Variants in TENM3 observed in about 807,000 individuals in gnomAD.
The protein encoded by TENM3 is teneurin transmembrane protein 3.
A neutral mutation model predicts 255.1 loss-of-function variants in TENM3; 63 were observed. That is an observed-to-expected ratio of 0.25 (90% confidence interval 0.20 to 0.30). TENM3 has a LOEUF of 0.30. Ranked by LOEUF, TENM3 falls within the 10% of genes least tolerant of loss-of-function variation. TENM3 has a pLI of 1.00. For missense variants in TENM3, 2,929 were observed against 3,461.1 expected (o/e 0.85, Z 3.86); for synonymous variants, 1,306 against 1,322.3 (o/e 0.99, Z 0.27).
intron 5 of TENM3, among the ~76,000 whole-genome samples, chr4:182,646,578 C>T (rs1161137590): frequency 6.6e-6 from 1 of 151,992 alleles, no homozygotes; most frequent in Non-Finnish European, 1.5e-5. Context: ...CCCGTCTCTA[C>T]TAAAAATAGA....
intron 1 of TENM3, among the ~76,000 whole-genome samples, chr4:182,317,842 A>T (rs889358718): frequency 6.6e-6 from 1 of 152,192 alleles, no homozygotes; most frequent in Non-Finnish European, 1.5e-5. Flanking sequence ...CAATTATTTT[A>T]GCTATTCAAT....
chr4:181,965,147 ATAGG>A, the TENM3 span, among the ~76,000 whole-genome samples: 5 of 152,244 alleles, frequency 3.3e-5, no homozygotes, highest in Non-Finnish European at 4.4e-5. Context: ...ATTCATTTAC[ATAGG>A]TAAACAGGTC....
At chr4:182,117,801 T>A in the TENM3 span, among the ~76,000 whole-genome samples, 1 of 151,978 alleles carries the variant, frequency 6.6e-6, no homozygotes, top group African/African-American at 2.4e-5. Context: ...TGGAATCAGT[T>A]TGTCAACTCT....
At chr4:181,522,976 G>A in the TENM3 span, 3 of 675,344 alleles carry the variant, frequency 4.4e-6, no homozygotes, top group East Asian at 6.1e-5. Flanking sequence ...AAGGAGATGG[G>A]TAGGATGCAT....
At chr4:181,608,444 C>T in the TENM3 span, among the ~76,000 whole-genome samples, 1 of 152,112 alleles carries the variant, frequency 6.6e-6, no homozygotes, top group Non-Finnish European at 1.5e-5. Context: ...AGAAAGGTCT[C>T]TGGGGAAAAG....
chr4:181,673,319 T>C, the TENM3 span, among the ~76,000 whole-genome samples: 2 of 152,228 alleles, frequency 1.3e-5, no homozygotes, highest in African/African-American at 4.8e-5. Flanking sequence ...TGGACTTTTT[T>C]CTGTTTAGCT....
chr4:181,907,374 T>C, the TENM3 span, among the ~76,000 whole-genome samples: 4 of 152,086 alleles, frequency 2.6e-5, no homozygotes, highest in African/African-American at 9.7e-5. Context: ...AGCAGCCAAA[T>C]CTTCCACTAC....
chr4:181,769,559 C>T, the TENM3 span, among the ~76,000 whole-genome samples: 10 of 152,126 alleles, frequency 6.6e-5, no homozygotes. Context: ...AAAACATTTT[C>T]TGATTTTAAA....
intron 1 of TENM3, among the ~76,000 whole-genome samples, chr4:182,320,336 G>A (rs948457860): frequency 6.6e-6 from 1 of 152,288 alleles, no homozygotes; most frequent in Admixed American, 6.5e-5. Flanking sequence ...GTGAGGTCAA[G>A]GGCCACACCT....
chr4:181,524,565 A>G, the TENM3 span, among the ~76,000 whole-genome samples: 3 of 152,306 alleles, frequency 2.0e-5, no homozygotes, highest in African/African-American at 4.8e-5. Flanking sequence ...TCTTATCTGT[A>G]TCTCTCAGTT....
chr4:182,262,838 C>G (rs1355949453), intron 1 of TENM3, among the ~76,000 whole-genome samples: 7 of 151,590 alleles, frequency 4.6e-5, no homozygotes, highest in South Asian at 2.1e-4. Context: ...TTCAGCCTCC[C>G]GAGCAGCTGG....
intron 2 of TENM3, among the ~76,000 whole-genome samples, chr4:182,345,519 G>A (rs1764743366): frequency 1.3e-5 from 2 of 152,054 alleles, no homozygotes; most frequent in African/African-American, 4.8e-5. Flanking sequence ...AGTCTTTGTA[G>A]GTTACTATTC....
chr4:182,392,722 T>C (rs11940045), intron 3 of TENM3, among the ~76,000 whole-genome samples: 81,432 of 151,850 alleles, frequency 0.54, 22,171 homozygotes, highest in Middle Eastern at 0.68. Context: ...AGTAGAGAAA[T>C]AGAGGCAGGC....
chr4:182,780,337 C>G (rs1430720871), intron 24 of TENM3, among the ~76,000 whole-genome samples: 1 of 126,898 alleles, frequency 7.9e-6, no homozygotes. Context: ...GCTTGTTTTT[C>G]TCAGGTTTGT....
the TENM3 span, among the ~76,000 whole-genome samples, chr4:182,076,589 C>G: frequency 6.6e-6 from 1 of 152,182 alleles, no homozygotes; most frequent in Non-Finnish European, 1.5e-5. Context: ...GCTCGTTGTG[C>G]TGCATGTTCT....
At chr4:181,663,961 A>G in the TENM3 span, among the ~76,000 whole-genome samples, 1 of 152,180 alleles carries the variant, frequency 6.6e-6, no homozygotes, top group African/African-American at 2.4e-5. Context: ...TGATTACTTC[A>G]GTTGTCAGGT....
At chr4:181,806,664 G>A in the TENM3 span, among the ~76,000 whole-genome samples, 1 of 152,184 alleles carries the variant, frequency 6.6e-6, no homozygotes, top group Admixed American at 6.5e-5. Context: ...GCCCTCACCA[G>A]GCATCAGACC....
the TENM3 span, among the ~76,000 whole-genome samples, chr4:181,826,489 T>C: frequency 6.6e-6 from 1 of 152,230 alleles, no homozygotes; most frequent in East Asian, 1.9e-4. Context: ...TGAAAGCATT[T>C]CTTTCCCATC....
intron 3 of TENM3, among the ~76,000 whole-genome samples, chr4:182,536,699 T>C (rs1012881133): frequency 2.6e-5 from 4 of 151,980 alleles, no homozygotes; most frequent in Admixed American, 2.0e-4. Context: ...ATATTTTATA[T>C]TGGTTTAGGC....
Sources: allele counts gnomAD v4.1 joint callset (sites outside exome capture counted in the v4.1 genomes callset), GRCh38; gene constraint gnomAD v4.1.1; transcripts MANE v1.5; gene names NCBI Gene and HGNC (gene_info 2026-07-23, HGNC 2026-07-21).